BRD4: variants seen among roughly 807,000 people sequenced by gnomAD.
BRD4 encodes bromodomain-containing protein 4.
A neutral mutation model predicts 142.1 loss-of-function variants in BRD4; 16 were observed. The ratio of observed to expected loss-of-function variants is 0.11; its 90% CI spans 0.08 to 0.17. The LOEUF (loss-of-function observed/expected upper bound fraction) is 0.17, where lower values mean the gene tolerates loss of function less well. Ranked by LOEUF, BRD4 falls within the 10% of genes least tolerant of loss-of-function variation. The probability of loss-of-function intolerance (pLI) is 1.00; values close to 1 mark genes in which losing one functional copy is unlikely to be tolerated. For synonymous variants in BRD4, 833 were observed against 707.5 expected (o/e 1.18, Z -2.82); for missense variants, 1,424 against 1,810.9 (o/e 0.79, Z 3.88).
chr19:15,264,844 C>G (rs761924091), intron 5 of BRD4, 78 bp from the exon 6 acceptor site: 7 of 1,531,652 alleles, frequency 4.6e-6, no homozygotes, highest in Non-Finnish European at 6.1e-6. Flanking sequence ...ACCCCCAAAG[C>G]CAGGCCCTGT....
At chr19:15,301,577 A>G (rs1277936915) in intron 1 of BRD4, among the ~76,000 whole-genome samples, 1 of 150,268 alleles carries the variant, frequency 6.7e-6, no homozygotes, top group Non-Finnish European at 1.5e-5. Context: ...CAAAAAAAAA[A>G]AAGGCTGGGT....
intron 1 of BRD4, among the ~76,000 whole-genome samples, chr19:15,290,370 AC>A (rs1568399899): frequency 6.6e-6 from 1 of 152,194 alleles, no homozygotes; most frequent in Non-Finnish European, 1.5e-5. Flanking sequence ...TAATCCTGTT[AC>A]GTTAGAAAAC....
At position 15,238,584 on chromosome 19, in the gene BRD4, G is replaced by A; in HGVS notation, c.4021-139C>T. On this transcript the variant is annotated intron_variant, in intron 19 of 19. Transcript: ENST00000679869. The surrounding 1 kb of genome is among the most constrained non-coding windows in gnomAD (Gnocchi z 7.2). ...TCATAGCGCTCACCCCGTCCACACA[G>A]CACTCAGGGCCCTACAGCTGAGTCC... 8.0e-6 allele frequency: 12 copies of A among 1,502,906 alleles called. No individual in the cohort carries two copies. Among genetic ancestry groups the A allele is most frequent in the Non-Finnish European group, 9.8e-6 (11 of 1,124,304 alleles). 93.1% of individuals were successfully genotyped at this position (1,502,906 alleles called of 1,614,324 possible).
Position 15,238,076 on chromosome 19 carries a change from T to TA in BRD4, c.*300_*301insT. The TA allele has an allele frequency of 2.2e-6, 1 of 445,786 alleles. No individual in the cohort carries two copies. 27.6% of individuals were successfully genotyped at this position (445,786 alleles called of 1,614,324 possible). On this transcript the variant is annotated 3_prime_UTR_variant, in exon 20 of 20. Coordinates refer to ENST00000679869, the MANE Select transcript of BRD4 (RefSeq NM_001379291.1). The surrounding 1 kb of genome is among the most constrained non-coding windows in gnomAD (Gnocchi z 7.2). ...TAGACATTTGGCGGAGAGAAGGGCC[T>TA]CTGCCCCGCATGTGGGGATGCAGGG... is the stretch of plus-strand genomic sequence containing the variant.
At position 15,272,967 on chromosome 19, in the gene BRD4, G is replaced by A. The variant is rs2145624979; in HGVS notation, c.133C>T (p.Pro45Ser). ...GGGTTGGAGGTCTCTGGGGGCGGGG[G>A]GTTGGTGCTGGCTGCGTTGGCTGGC... ...PQPANAASTN[P>S]PPPETSNPNK... The change falls in exon 2 of 20, where the codon CCC (proline) becomes TCC (serine). Residue 45 changes from proline to serine, a missense_variant. Physicochemically the swap from Pro to Ser is moderately conservative, Grantham distance 74. Around this residue, in one of 16 missense-constraint regions of BRD4, gnomAD observed 70 missense variants for 69.8 expected, o/e 1.00. Coordinates refer to ENST00000679869, the MANE Select transcript of BRD4 (RefSeq NM_001379291.1). 6.2e-7 allele frequency: 1 copy of A among 1,614,214 alleles called. No individual in the cohort carries two copies. The highest frequency in any genetic ancestry group is 8.5e-7 in the Non-Finnish European group (1 of 1,180,046).
At chr19:15,243,941 G>T (rs1468394550) in intron 13 of BRD4, among the ~76,000 whole-genome samples, 1 of 152,146 alleles carries the variant, frequency 6.6e-6, no homozygotes, top group African/African-American at 2.4e-5. Flanking sequence ...CTAACATGAC[G>T]CCTGGCCCAG....
intron 11 of BRD4, chr19:15,246,582 G>C (rs961281580): frequency 1.3e-5 from 2 of 152,264 alleles, no homozygotes; most frequent in African/African-American, 4.8e-5. Context: ...GGGCTCGCCT[G>C]TTGTCTCGTG....
rs199958394 is a variant in BRD4, at chr19:15,257,103, G to A, written c.1412C>T (p.Pro471Leu). Residue 471 changes from proline to leucine, a missense_variant, in exon 8 of 20, where the codon CCG (proline) becomes CTG (leucine). Physicochemically the swap from Pro to Leu is moderately conservative, Grantham distance 98 (BLOSUM62 -3). Coordinates refer to ENST00000679869, the MANE Select transcript of BRD4 (RefSeq NM_001379291.1). ...PEEPVVAVSSPAVPPPTKVVA... is the reference protein window; with the variant it reads ...PEEPVVAVSSLAVPPPTKVVA... Reference sequence around the variant, plus strand: ...AACCTTGGTGGGAGGGGGCACTGCCGGGGAGGACACGGCCACCACTGGCTC... The same window carrying A: ...AACCTTGGTGGGAGGGGGCACTGCCAGGGAGGACACGGCCACCACTGGCTC... 2.9e-5 allele frequency: 47 copies of A among 1,608,706 alleles called. No individual in the cohort carries two copies. Among genetic ancestry groups the A allele is most frequent in the East Asian group, 8.9e-5 (4 of 44,774 alleles).
At chr19:15,319,762 C>G (rs1027011117) in intron 1 of BRD4, among the ~76,000 whole-genome samples, 5 of 152,188 alleles carry the variant, frequency 3.3e-5, no homozygotes, top group African/African-American at 9.6e-5. Flanking sequence ...TGGTGAAACC[C>G]CGTCTCTACA....
chr19:15,243,536 C>T, intron 13 of BRD4, 49 bp from the exon 14 acceptor site: 1 of 1,493,270 alleles, frequency 6.7e-7, no homozygotes, highest in African/African-American at 1.4e-5. Context: ...CCTGTGGCCC[C>T]AGCCTGGCCT....
intron 11 of BRD4, among the ~76,000 whole-genome samples, chr19:15,246,200 T>C (rs2047284630): frequency 6.6e-6 from 1 of 152,006 alleles, no homozygotes; most frequent in Non-Finnish European, 1.5e-5. Context: ...AGAGATACTG[T>C]TGTGGGTGAG....
chr19:15,242,967 G>A lies in BRD4; in HGVS notation c.3102C>T (p.Ala1034=), dbSNP rs200429220. 90 of 1,595,482 alleles carry A rather than the reference G, an allele frequency of 5.6e-5. 1 individual carries two copies. In the East Asian group the frequency reaches 1.8e-3, roughly 32 times the overall value. ...GGTGCTGGATGACTTGCTGAGGCTTGGCAGGCTGCGGCGGGGGTGGCTGCT... is the reference window on the plus strand; with the variant it reads ...GGTGCTGGATGACTTGCTGAGGCTTAGCAGGCTGCGGCGGGGGTGGCTGCT... ...PGQQPPPPQP[A]KPQQVIQHHH... is the part of the protein sequence containing the mutation. Residue 1034 remains alanine (A), a synonymous_variant, in exon 14 of 20, where the codon GCC becomes GCT. Coordinates refer to ENST00000679869, the MANE Select transcript of BRD4 (RefSeq NM_001379291.1).
chr19:15,247,561 TGTGCGCGTGC>T (rs1440715456), intron 11 of BRD4: 7 of 232,924 alleles, frequency 3.0e-5, no homozygotes, highest in South Asian at 1.8e-4. Context: ...TGCACACGTG[TGTGCGCGTGC>T]GTGCGTGTGT....
chr19:15,306,669 A>G (rs1358413390), intron 1 of BRD4, among the ~76,000 whole-genome samples: 1 of 152,148 alleles, frequency 6.6e-6, no homozygotes, highest in African/African-American at 2.4e-5. Context: ...CCTAATTTTA[A>G]GACAGTTGTG....
Position 15,265,370 on chromosome 19 carries a change from G to A in BRD4, c.833C>T (p.Thr278Ile), listed in dbSNP as rs1445404967. The change falls in exon 5 of 20, where the codon ACC becomes ATC. Residue 278 changes from threonine (T) to isoleucine (I), a missense_variant. Coordinates refer to ENST00000679869, the MANE Select transcript of BRD4 (RefSeq NM_001379291.1). ...GAGACTCACCTTCACAGGCTGTGGG[G>A]TGGCCGCGATGATGGGTGGGTGGCT... is the stretch of plus-strand genomic sequence containing the variant. ...VQSHPPIIAA[T>I]PQPVKTKKGV... 3 of 1,514,366 alleles carry A rather than the reference G, an allele frequency of 2.0e-6. No homozygotes were observed. Among genetic ancestry groups the A allele is most frequent in the East Asian group, 2.3e-5 (1 of 43,796 alleles). The allele number at this position is 1,514,366 out of a possible 1,614,324, so 93.8% of individuals were successfully genotyped here.
intron 14 of BRD4, 150 bp downstream of exon 14, chr19:15,242,750 C>T: frequency 8.0e-7 from 1 of 1,249,860 alleles, no homozygotes; most frequent in Non-Finnish European, 1.1e-6. Context: ...GTAGGAAGCA[C>T]CAATGACCCT....
At chr19:15,312,354 C>G (rs1006745860) in intron 1 of BRD4, among the ~76,000 whole-genome samples, 1 of 151,962 alleles carries the variant, frequency 6.6e-6, no homozygotes, top group African/African-American at 2.4e-5. Context: ...AAAAAAGGGG[C>G]CAGGTGCGGT....
rs368928179 is a variant in BRD4, at chr19:15,242,103, C to T, written c.3169+797G>A. Reference sequence around the variant, plus strand: ...TGCTGGGATTACAGGCGTGAGCCACCGCGCCCGGCCTGCATCCAGCAGCTT... The same window carrying T: ...TGCTGGGATTACAGGCGTGAGCCACTGCGCCCGGCCTGCATCCAGCAGCTT... On this transcript the variant is annotated intron_variant, in intron 14 of 19. Coordinates refer to ENST00000679869, the MANE Select transcript of BRD4 (RefSeq NM_001379291.1). Among the ~76,000 whole-genome samples the T allele has an allele frequency of 3.9e-5, 6 of 152,154 alleles. No individual in the cohort carries two copies. In the East Asian group the frequency reaches 5.8e-4, roughly 15 times the overall value.
chr19:15,273,249 C>A (rs1159694611), intron 1 of BRD4, 116 bp from the exon 2 acceptor site: 6 of 1,072,628 alleles, frequency 5.6e-6, no homozygotes, highest in Non-Finnish European at 7.9e-6. Flanking sequence ...CGGTAGCTAG[C>A]CAAGTTGGCC....
Sources: gnomAD v4.1 joint callset for allele counts (sites outside exome capture counted in the v4.1 genomes callset) on GRCh38, gnomAD v4.1.1 for gene constraint, gnomAD v4.1.1 regional missense constraint, Gnocchi (gnomAD v3.1) non-coding constraint, MANE v1.5 for transcripts, NCBI Gene and HGNC (gene_info 2026-07-23, HGNC 2026-07-21) for gene names.